The following CACNA1D variants were observed in gnomAD, a reference collection of about 807,000 sequenced individuals.
The protein encoded by CACNA1D is calcium voltage-gated channel subunit alpha1 D, also known as voltage-dependent L-type calcium channel subunit alpha-1D.
In CACNA1D, 55 loss-of-function variants were observed where a neutral mutation model predicts 257.1. The observed-to-expected ratio is 0.21, with a 90% CI of 0.17 to 0.27. The LOEUF (loss-of-function observed/expected upper bound fraction) is 0.27, where lower values mean the gene tolerates loss of function less well. Among genes scored for constraint, CACNA1D ranks in the 10% least tolerant of loss-of-function variants. The pLI is 1.00. For missense variants in CACNA1D, 1,876 were observed against 2,784.0 expected, an observed-to-expected ratio of 0.67 and a Z score of 7.34; for synonymous variants, 980 against 1,014.9, an observed-to-expected ratio of 0.97 and a Z score of 0.65.
chr3:53,718,649 G>A (rs56125961), intron 10 of CACNA1D: 4 of 1,545,034 alleles, frequency 2.6e-6, no homozygotes, highest in African/African-American at 1.4e-5. Flanking sequence ...GAAGAATGTG[G>A]TGGTTAACCT....
At chr3:53,810,475 C>A in intron 47 of CACNA1D, 177 bp downstream of exon 47, 1 of 692,010 alleles carries the variant, frequency 1.4e-6, no homozygotes, top group South Asian at 1.7e-5. Context: ...TGGTCACCAC[C>A]ACTGGCTGCA....
chr3:53,549,541 G>A (rs1446906015), intron 3 of CACNA1D, among the ~76,000 whole-genome samples: 1 of 152,062 alleles, frequency 6.6e-6, no homozygotes. Flanking sequence ...TTTCTAGTTG[G>A]GGACATTCTA....
intron 3 of CACNA1D, among the ~76,000 whole-genome samples, chr3:53,547,807 T>C (rs2092444777): frequency 6.6e-6 from 1 of 152,158 alleles, no homozygotes; most frequent in South Asian, 2.1e-4. Context: ...TTAGTTCAGG[T>C]TTACATTATC....
chr3:53,533,688 G>A (rs2092024101), intron 3 of CACNA1D, among the ~76,000 whole-genome samples: 1 of 152,186 alleles, frequency 6.6e-6, no homozygotes, highest in African/African-American at 2.4e-5. Flanking sequence ...CTCCACGGCT[G>A]CTATGGCCGT....
chr3:53,742,913 T>C, intron 21 of CACNA1D, 98 bp from the exon 22 acceptor site: 1 of 811,448 alleles, frequency 1.2e-6, no homozygotes, highest in Middle Eastern at 2.3e-4. Context: ...TGCACACTTG[T>C]TAATGAAGTT....
At chr3:53,672,750 T>G (rs1223943353) in intron 7 of CACNA1D, among the ~76,000 whole-genome samples, 3 of 141,398 alleles carry the variant, frequency 2.1e-5, no homozygotes, top group Non-Finnish European at 4.6e-5. Flanking sequence ...CTGAAAGCCT[T>G]GATGACTCTG....
intron 3 of CACNA1D, among the ~76,000 whole-genome samples, chr3:53,509,232 A>G (rs2091002022): frequency 6.6e-6 from 1 of 152,028 alleles, no homozygotes; most frequent in South Asian, 2.1e-4. Context: ...TGAAGATGGG[A>G]TGAAGGAGGA....
chr3:53,534,332 T>G (rs1175377112), intron 3 of CACNA1D, among the ~76,000 whole-genome samples: 7 of 152,236 alleles, frequency 4.6e-5, no homozygotes, highest in African/African-American at 1.7e-4. Flanking sequence ...TGGCTTAAGC[T>G]TTATCTTATC....
At chr3:53,622,787 T>G (rs2093711321) in intron 3 of CACNA1D, among the ~76,000 whole-genome samples, 1 of 152,014 alleles carries the variant, frequency 6.6e-6, no homozygotes, top group South Asian at 2.1e-4. Flanking sequence ...GTCGGGAGAA[T>G]GGATAAACAA....
chr3:53,496,248 A>G (rs1023804142), intron 1 of CACNA1D, among the ~76,000 whole-genome samples: 2 of 152,192 alleles, frequency 1.3e-5, no homozygotes, highest in African/African-American at 2.4e-5. Flanking sequence ...TCTGCCTGGG[A>G]GATGGCCTGA....
At chr3:53,719,623 C>T in intron 10 of CACNA1D, 132 bp from the exon 11 acceptor site, 1 of 842,348 alleles carries the variant, frequency 1.2e-6, no homozygotes, top group Non-Finnish European at 2.1e-6. Flanking sequence ...CCCCTGCTGG[C>T]CTGCTGTGGT....
intron 3 of CACNA1D, among the ~76,000 whole-genome samples, chr3:53,554,556 G>T (rs2092602978): frequency 6.6e-6 from 1 of 152,190 alleles, no homozygotes; most frequent in Non-Finnish European, 1.5e-5. Context: ...AATTGAACAT[G>T]CACTTAGATT....
chr3:53,746,393 GA>G (rs1399158109), intron 25 of CACNA1D, among the ~76,000 whole-genome samples: 1 of 152,120 alleles, frequency 6.6e-6, no homozygotes, highest in Non-Finnish European at 1.5e-5. Flanking sequence ...CCATAGACAA[GA>G]ACTGGCAGAG....
chr3:53,585,946 G>A (rs1339497113), intron 3 of CACNA1D, among the ~76,000 whole-genome samples: 5 of 152,196 alleles, frequency 3.3e-5, no homozygotes, highest in Non-Finnish European at 7.3e-5. Flanking sequence ...ATTTGTGAGA[G>A]CACCTGCCTG....
chr3:53,662,839 A>G (rs1041234988), intron 5 of CACNA1D, among the ~76,000 whole-genome samples: 1 of 152,204 alleles, frequency 6.6e-6, no homozygotes, highest in Non-Finnish European at 1.5e-5. Context: ...AAAAATATTC[A>G]CAAAGCTTAC....
At chr3:53,690,112 G>T (rs980440643) in intron 8 of CACNA1D, among the ~76,000 whole-genome samples, 1 of 152,160 alleles carries the variant, frequency 6.6e-6, no homozygotes, top group Admixed American at 6.5e-5. Flanking sequence ...AATTTACACA[G>T]CTAGTAAGTA....
At chr3:53,786,687 G>A in intron 39 of CACNA1D, 135 bp from the exon 40 acceptor site, 3 of 770,452 alleles carry the variant, frequency 3.9e-6, no homozygotes, top group Non-Finnish European at 6.7e-6. Context: ...TATATGCTGA[G>A]ACCTCGGTGC....
chr3:53,503,230 C>T (rs1158647346), intron 3 of CACNA1D, among the ~76,000 whole-genome samples: 2 of 152,114 alleles, frequency 1.3e-5, no homozygotes, highest in Non-Finnish European at 2.9e-5. Flanking sequence ...AAATGGGAGT[C>T]GGATAACCAC....
At chr3:53,704,091 CAG>C (rs931353865) in intron 9 of CACNA1D, among the ~76,000 whole-genome samples, 1 of 152,118 alleles carries the variant, frequency 6.6e-6, no homozygotes, top group Non-Finnish European at 1.5e-5. Flanking sequence ...AGCTGGAGCA[CAG>C]AGGGTATGAA....
Sources: allele counts gnomAD v4.1 joint callset (sites outside exome capture counted in the v4.1 genomes callset), GRCh38; gene constraint gnomAD v4.1.1; transcripts MANE v1.5; gene names NCBI Gene and HGNC (gene_info 2026-07-23, HGNC 2026-07-21).